The following CSNK2A2IP variants were observed in gnomAD, a reference collection of about 807,000 sequenced individuals.
The protein encoded by CSNK2A2IP is casein kinase II subunit alpha'-interacting protein.
At chr3:88,446,074 C>CTTTA in the CSNK2A2IP span, among the ~76,000 whole-genome samples, 1 of 107,202 alleles carries the variant, frequency 9.3e-6, no homozygotes, top group African/African-American at 3.5e-5. Flanking sequence ...TTCTTTCTTT[C>CTTTA]TTTCTTTCTT....
chr3:88,368,349 A>C, the CSNK2A2IP span, among the ~76,000 whole-genome samples: 1 of 152,016 alleles, frequency 6.6e-6, no homozygotes, highest in Non-Finnish European at 1.5e-5. Flanking sequence ...CATAATGATA[A>C]GTTCAAAATA....
the CSNK2A2IP span, chr3:88,466,940 C>T: frequency 8.1e-7 from 1 of 1,231,514 alleles, no homozygotes; most frequent in Non-Finnish European, 1.0e-6. Flanking sequence ...CTACCAGAGA[C>T]TTTCTCATCT....
chr3:88,416,075 A>G, the CSNK2A2IP span, among the ~76,000 whole-genome samples: 1 of 151,796 alleles, frequency 6.6e-6, no homozygotes, highest in African/African-American at 2.4e-5. Context: ...GATGGAGACC[A>G]TCCTGGCCAA....
chr3:88,424,770 G>A, the CSNK2A2IP span, among the ~76,000 whole-genome samples: 1 of 151,330 alleles, frequency 6.6e-6, no homozygotes, highest in African/African-American at 2.4e-5. Flanking sequence ...TACCAGTTAT[G>A]CCTTTATAAA....
chr3:88,435,018 T>G, the CSNK2A2IP span, among the ~76,000 whole-genome samples: 1 of 152,158 alleles, frequency 6.6e-6, no homozygotes, highest in Non-Finnish European at 1.5e-5. Context: ...TAGTCCCATG[T>G]CAGATGTGGC....
chr3:88,362,872 C>T, the CSNK2A2IP span, among the ~76,000 whole-genome samples: 1 of 152,078 alleles, frequency 6.6e-6, no homozygotes, highest in Non-Finnish European at 1.5e-5. Context: ...CTCTCTTTTC[C>T]CTAAGACTCC....
chr3:88,360,074 T>A, the CSNK2A2IP span, among the ~76,000 whole-genome samples: 1 of 152,126 alleles, frequency 6.6e-6, no homozygotes, highest in African/African-American at 2.4e-5. Flanking sequence ...AATTGCTATG[T>A]CCTTTTGGAT....
At chr3:88,454,151 T>G in the CSNK2A2IP span, among the ~76,000 whole-genome samples, 1 of 152,032 alleles carries the variant, frequency 6.6e-6, no homozygotes, top group African/African-American at 2.4e-5. Context: ...TGGTATCTCA[T>G]GTGATTTTAA....
chr3:88,388,730 A>C, the CSNK2A2IP span, among the ~76,000 whole-genome samples: 1 of 152,118 alleles, frequency 6.6e-6, no homozygotes, highest in Non-Finnish European at 1.5e-5. Context: ...ATAGATACAA[A>C]CATTTCCTAG....
At chr3:88,424,809 C>CTT in the CSNK2A2IP span, among the ~76,000 whole-genome samples, 54,765 of 151,058 alleles carry the variant, frequency 0.36, 11,185 homozygotes, top group Non-Finnish European at 0.47. Context: ...TTTAACAAAG[C>CTT]TTTTTTTTTC....
At chr3:88,401,227 A>G in the CSNK2A2IP span, among the ~76,000 whole-genome samples, 1 of 152,166 alleles carries the variant, frequency 6.6e-6, no homozygotes, top group Non-Finnish European at 1.5e-5. Flanking sequence ...ATAATAATAT[A>G]GACTGCTTAC....
the CSNK2A2IP span, among the ~76,000 whole-genome samples, chr3:88,415,418 T>C: frequency 1.3e-5 from 2 of 152,144 alleles, no homozygotes; most frequent in South Asian, 4.1e-4. Context: ...TATCACATTA[T>C]AGAAATAGAC....
chr3:88,376,222 A>AT, the CSNK2A2IP span, among the ~76,000 whole-genome samples: 2 of 151,324 alleles, frequency 1.3e-5, no homozygotes, highest in Non-Finnish European at 3.0e-5. Flanking sequence ...GTTTTCTTCT[A>AT]TTTTTTCATT....
chr3:88,375,634 G>T, the CSNK2A2IP span, among the ~76,000 whole-genome samples: 1 of 151,698 alleles, frequency 6.6e-6, no homozygotes, highest in Non-Finnish European at 1.5e-5. Flanking sequence ...CCCAGAAAGG[G>T]CCTAAAAACC....
At chr3:88,462,097 T>C in the CSNK2A2IP span, among the ~76,000 whole-genome samples, 1,257 of 141,010 alleles carry the variant, frequency 8.9e-3, 14 homozygotes, top group African/African-American at 0.031. Context: ...CAGATTATCA[T>C]GGAGATGAGT....
chr3:88,455,201 G>A, the CSNK2A2IP span, among the ~76,000 whole-genome samples: 2 of 151,826 alleles, frequency 1.3e-5, no homozygotes, highest in Non-Finnish European at 2.9e-5. Flanking sequence ...ATCTCTTGGA[G>A]ATGCCAATTT....
the CSNK2A2IP span, among the ~76,000 whole-genome samples, chr3:88,415,548 A>G: frequency 3.7e-4 from 57 of 152,034 alleles, no homozygotes; most frequent in South Asian, 2.7e-3. Context: ...ACTGAGAATA[A>G]TAACACCTAA....
chr3:88,394,471 C>G, the CSNK2A2IP span, among the ~76,000 whole-genome samples: 4 of 152,176 alleles, frequency 2.6e-5, no homozygotes, highest in African/African-American at 9.7e-5. Flanking sequence ...CTCCTGGGTT[C>G]AAGTGATTAT....
At chr3:88,364,985 A>G in the CSNK2A2IP span, among the ~76,000 whole-genome samples, 1 of 152,196 alleles carries the variant, frequency 6.6e-6, no homozygotes, top group South Asian at 2.1e-4. Context: ...AGTTATGAGT[A>G]TCTGCTAGAT....
Sources: allele counts gnomAD v4.1 joint callset (sites outside exome capture counted in the v4.1 genomes callset), GRCh38; gene constraint gnomAD v4.1.1; transcripts MANE v1.5; gene names NCBI Gene and HGNC (gene_info 2026-07-23, HGNC 2026-07-21).